The following PPFIA1 variants were observed in gnomAD, a reference collection of about 807,000 sequenced individuals.
The protein encoded by PPFIA1 is PPFI scaffold protein A1.
In PPFIA1, 25 loss-of-function variants were observed where a neutral mutation model predicts 149.9. The ratio of observed to expected loss-of-function variants is 0.17; its 90% confidence interval spans 0.12 to 0.23. PPFIA1 has a LOEUF of 0.23. PPFIA1 is among the 10% of genes least tolerant of loss of function. PPFIA1 has a pLI of 1.00. For synonymous variants in PPFIA1, 549 were observed against 552.8 expected (o/e 0.99, Z 0.10); for missense variants, 1,362 against 1,506.5 (o/e 0.90, Z 1.59).
chr11:70,350,092 G>T (rs566902880), intron 16 of PPFIA1: 2 of 363,428 alleles, frequency 5.5e-6, no homozygotes, highest in African/African-American at 4.4e-5. Flanking sequence ...GTGCTGTGAT[G>T]ACTTTATTAA....
rs769111495 is a variant in PPFIA1, at chr11:70,324,388, T to A, written c.265-14T>A. The A allele has an allele frequency of 3.2e-6, 5 of 1,576,592 alleles. No individual in the cohort carries two copies. The highest frequency in any genetic ancestry group is 4.3e-6 in the Non-Finnish European group (5 of 1,153,198). On this transcript the variant is annotated splice_polypyrimidine_tract_variant and intron_variant, in intron 2 of 27. Coordinates refer to ENST00000253925, the MANE Select transcript of PPFIA1 (RefSeq NM_003626.5). ...TCTTTCTTATTTATTTAATTTTGTTTTGTGATTTTCTAGGAGTTCGCAGCA... is the reference window on the plus strand; with the variant it reads ...TCTTTCTTATTTATTTAATTTTGTTATGTGATTTTCTAGGAGTTCGCAGCA...
At chr11:70,351,535 T>A (rs953117800) in intron 16 of PPFIA1, among the ~76,000 whole-genome samples, 2 of 152,182 alleles carry the variant, frequency 1.3e-5, no homozygotes. Flanking sequence ...CACTTACTAG[T>A]TGAGCCTCTC....
At chr11:70,335,741 A>G (rs1011415275) in intron 11 of PPFIA1, 47 bp downstream of exon 11, 1 of 1,606,268 alleles carries the variant, frequency 6.2e-7, no homozygotes, top group African/African-American at 1.3e-5. Flanking sequence ...ACCCTCTGCC[A>G]AAAGATTGCT....
intron 2 of PPFIA1, among the ~76,000 whole-genome samples, chr11:70,291,113 G>C (rs991473131): frequency 2.0e-5 from 3 of 152,014 alleles, no homozygotes; most frequent in African/African-American, 7.2e-5. Flanking sequence ...TTGAACTCCC[G>C]ACCTCAGGTT....
intron 2 of PPFIA1, chr11:70,278,832 T>G: frequency 2.6e-6 from 1 of 386,702 alleles, no homozygotes. Context: ...TTCACAGAGA[T>G]ATAGTTCACT....
At chr11:70,326,502 T>A in intron 6 of PPFIA1, 95 bp from the exon 7 acceptor site, 1 of 1,293,062 alleles carries the variant, frequency 7.7e-7, no homozygotes, top group Non-Finnish European at 1.1e-6. Flanking sequence ...ACAGATTGCA[T>A]AAGTCAGTTT....
rs747375442 is a variant in PPFIA1, at chr11:70,375,129, T to C, written c.3315+36T>C. On this transcript the variant is annotated intron_variant, in intron 24 of 27. Transcript: ENST00000253925. ...ACCTGTCTGTGTCTGCACTCATTGT[T>C]CAGTTGGCACCCTGATTATAGACAG... The C allele has an allele frequency of 3.5e-6, 5 of 1,427,328 alleles. No individual in the cohort carries two copies. The African/African-American group carries it at 7.5e-5, about 21-fold the overall frequency. The allele number at this position is 1,427,328 out of a possible 1,614,324, so 88.4% of individuals were successfully genotyped here.
At chr11:70,280,657 T>C (rs2050703795) in intron 2 of PPFIA1, among the ~76,000 whole-genome samples, 1 of 152,172 alleles carries the variant, frequency 6.6e-6, no homozygotes, top group African/African-American at 2.4e-5. Context: ...AGCCTCAAAC[T>C]CCAGGGCTCA....
At chr11:70,302,248 A>T (rs969071253) in intron 2 of PPFIA1, among the ~76,000 whole-genome samples, 1 of 152,158 alleles carries the variant, frequency 6.6e-6, no homozygotes, top group Non-Finnish European at 1.5e-5. Flanking sequence ...CGATTGGAGG[A>T]GGGAGCAGCC....
chr11:70,288,296 T>G (rs2051291191), intron 2 of PPFIA1, among the ~76,000 whole-genome samples: 1 of 152,018 alleles, frequency 6.6e-6, no homozygotes, highest in Admixed American at 6.6e-5. Flanking sequence ...GGTCTTGAAC[T>G]CCTGGTGTTG....
At position 70,306,165 on chromosome 11, in the gene PPFIA1, T is replaced by C. The variant is rs189297697; in HGVS notation, c.265-18237T>C. ...AAAACATGCACGCACACATGCACGC[T>C]TACTTGCGAAGCAATCTTAATCGTC... On this transcript the variant is annotated intron_variant, in intron 2 of 27. Coordinates refer to ENST00000253925, the MANE Select transcript of PPFIA1 (RefSeq NM_003626.5). Among the ~76,000 whole-genome samples the C allele has an allele frequency of 2.6e-5, 4 of 152,310 alleles. No individual in the cohort carries two copies. In the East Asian group the frequency reaches 7.7e-4, roughly 29 times the overall value.
chr11:70,318,387 C>G (rs1036493633), intron 2 of PPFIA1, among the ~76,000 whole-genome samples: 1 of 152,218 alleles, frequency 6.6e-6, no homozygotes, highest in African/African-American at 2.4e-5. Flanking sequence ...CCCTCTTTCC[C>G]TTTACTGCGG....
At chr11:70,283,967 A>G (rs747705964) in intron 2 of PPFIA1, 1 of 531,420 alleles carries the variant, frequency 1.9e-6, no homozygotes, top group South Asian at 1.4e-5. Context: ...TTTCTCAAGT[A>G]TTGCTGTTAG....
At chr11:70,370,100 G>A (rs1287215355) in intron 21 of PPFIA1, among the ~76,000 whole-genome samples, 2 of 151,712 alleles carry the variant, frequency 1.3e-5, no homozygotes, top group East Asian at 3.9e-4. Flanking sequence ...ACAGGCATGT[G>A]CCACCATGCC....
At chr11:70,331,907 A>T (rs1441697920) in intron 8 of PPFIA1, 53 bp from the exon 9 acceptor site, 16 of 1,562,122 alleles carry the variant, frequency 1.0e-5, no homozygotes, top group Non-Finnish European at 1.4e-5. Context: ...TCTGTTAAAA[A>T]CTGATCAGCT....
intron 16 of PPFIA1, 135 bp from the exon 17 acceptor site, chr11:70,354,166 C>A: frequency 2.1e-6 from 2 of 930,696 alleles, no homozygotes; most frequent in Non-Finnish European, 1.6e-6. Flanking sequence ...AGAATGGTGC[C>A]AGACTGAAAC....
intron 2 of PPFIA1, among the ~76,000 whole-genome samples, chr11:70,274,091 AC>A (rs1013428321): frequency 2.8e-4 from 42 of 152,298 alleles, no homozygotes; most frequent in African/African-American, 9.4e-4. Context: ...GGTTCACGTT[AC>A]CACCTGAGCA....
At chr11:70,271,029 G>A (rs1436914336) in intron 1 of PPFIA1, 115 bp downstream of exon 1, 3 of 151,920 alleles carry the variant, frequency 2.0e-5, no homozygotes, top group Non-Finnish European at 2.9e-5. Flanking sequence ...GTGCGCTCCG[G>A]GACGGGTGGG....
rs546909526 is a variant in PPFIA1, at chr11:70,382,022, CAT to C, written c.3551-65_3551-64del. 510 of 1,413,784 alleles carry C rather than the reference CAT, an allele frequency of 3.6e-4. 8 individuals carry two copies. In the Middle Eastern group the frequency reaches 0.02, roughly 54 times the overall value. The allele number at this position is 1,413,784 out of a possible 1,614,324, so 87.6% of individuals were successfully genotyped here. On this transcript the variant is annotated intron_variant, in intron 26 of 27. Coordinates refer to ENST00000253925, the MANE Select transcript of PPFIA1 (RefSeq NM_003626.5). ...GAAGATGTGTGTCTACTTGTGCCCT[CAT>C]GTGATGTTCTAAGACTAACTGCACG...
Sources: gnomAD v4.1 joint callset for allele counts (sites outside exome capture counted in the v4.1 genomes callset) on GRCh38, gnomAD v4.1.1 for gene constraint, MANE v1.5 for transcripts, NCBI Gene and HGNC (gene_info 2026-07-23, HGNC 2026-07-21) for gene names.